The following CLIP1 variants were observed in gnomAD, a reference collection of about 807,000 sequenced individuals.
The protein encoded by CLIP1 is CAP-Gly domain-containing linker protein 1.
In CLIP1, 66 loss-of-function variants were observed where a neutral mutation model predicts 161.6. The ratio of observed to expected loss-of-function variants is 0.41; its 90% CI spans 0.33 to 0.50. The LOEUF is 0.50. Ranked by LOEUF, CLIP1 falls within the 20% of genes least tolerant of loss-of-function variation. The pLI is 0.27. For missense variants in CLIP1, 1,376 were observed against 1,702.0 expected, an observed-to-expected ratio of 0.81 and a Z score of 3.37; for synonymous variants, 598 against 626.2, an observed-to-expected ratio of 0.96 and a Z score of 0.67.
chr12:122,343,084 C>T (rs1254392680), intron 10 of CLIP1: 5 of 151,050 alleles, frequency 3.3e-5, no homozygotes, highest in African/African-American at 1.2e-4. Context: ...ATGAATAACA[C>T]ATCACCTGTA....
At chr12:122,327,665 C>T (rs143839345) in intron 17 of CLIP1, among the ~76,000 whole-genome samples, 13 of 152,026 alleles carry the variant, frequency 8.6e-5, no homozygotes, top group Admixed American at 8.5e-4. Flanking sequence ...ACGAAAGAAC[C>T]TTTGTGACCT....
chr12:122,319,412 C>T (rs898804432), intron 17 of CLIP1, 64 bp from the exon 18 acceptor site: 14 of 1,254,268 alleles, frequency 1.1e-5, no homozygotes, highest in South Asian at 4.8e-5. Flanking sequence ...AGGTGAGGAT[C>T]GGGCTGTGCT....
chr12:122,307,351 C>T (rs1593028518), intron 20 of CLIP1, among the ~76,000 whole-genome samples: 1 of 151,988 alleles, frequency 6.6e-6, no homozygotes, highest in Non-Finnish European at 1.5e-5. Flanking sequence ...AATAATCCTA[C>T]TATCTCTGAG....
chr12:122,279,846 G>C lies in CLIP1; in HGVS notation c.3648-701C>G, dbSNP rs1238942381. ...TCTCAGGTGCAGAATGAAAGCATGGGGAGCCTGGAAGGAGAAATTCAGAGC... is the reference window on the plus strand; with the variant it reads ...TCTCAGGTGCAGAATGAAAGCATGGCGAGCCTGGAAGGAGAAATTCAGAGC... On this transcript the variant is annotated intron_variant, in intron 21 of 25. Coordinates refer to ENST00000620786, the MANE Select transcript of CLIP1 (RefSeq NM_001247997.2). This position sits in a 1 kb window ranked among gnomAD's most constrained non-coding sequence, Gnocchi z 4.5. 6.6e-6 allele frequency: 1 copy of C among 152,178 alleles called. No homozygotes were observed. Among genetic ancestry groups the C allele is most frequent in the Non-Finnish European group, 1.5e-5 (1 of 68,064 alleles). 9.4% of individuals were successfully genotyped at this position (152,178 alleles called of 1,614,324 possible).
chr12:122,344,220 A>G (rs1425543270), intron 10 of CLIP1, among the ~76,000 whole-genome samples: 2 of 152,242 alleles, frequency 1.3e-5, no homozygotes, highest in African/African-American at 4.8e-5. Flanking sequence ...AAAAGAAAGC[A>G]CTGAGTCTCC....
At chr12:122,274,467 TA>T (rs923336759) in intron 24 of CLIP1, 17 of 177,060 alleles carry the variant, frequency 9.6e-5, no homozygotes, top group African/African-American at 3.6e-4. Flanking sequence ...TTTTATATTT[TA>T]AAAAAAAATT....
chr12:122,352,087 T>C (rs1462360353), intron 8 of CLIP1, among the ~76,000 whole-genome samples: 1 of 145,262 alleles, frequency 6.9e-6, no homozygotes, highest in Non-Finnish European at 1.5e-5. Context: ...AGACAAAGTC[T>C]CGACCCATCC....
At chr12:122,292,866 G>A (rs532957457) in intron 20 of CLIP1, among the ~76,000 whole-genome samples, 4 of 151,936 alleles carry the variant, frequency 2.6e-5, no homozygotes, top group Admixed American at 6.6e-5. Flanking sequence ...AGCCGGGCGC[G>A]GTGGTGGGCG....
intron 9 of CLIP1, 180 bp downstream of exon 9, chr12:122,350,931 C>T (rs1455171890): frequency 2.2e-6 from 1 of 449,554 alleles, no homozygotes; most frequent in African/African-American, 2.0e-5. Flanking sequence ...TTAGTCATTA[C>T]ATACAATTTC....
At chr12:122,334,319 A>C (rs1164590404) in intron 13 of CLIP1, among the ~76,000 whole-genome samples, 1 of 152,242 alleles carries the variant, frequency 6.6e-6, no homozygotes, top group East Asian at 1.9e-4. Context: ...TCAGTACTTC[A>C]GACAGGCATC....
At chr12:122,404,469 C>T (rs192799267) in intron 1 of CLIP1, among the ~76,000 whole-genome samples, 10 of 152,154 alleles carry the variant, frequency 6.6e-5, no homozygotes, top group Non-Finnish European at 8.8e-5. Context: ...AGTGGTGGCA[C>T]ATTCCTGTAA....
rs1377559230 is a variant in CLIP1, at chr12:122,289,682, C to G, written c.3595-1141G>C. On this transcript the variant is annotated intron_variant, in intron 20 of 25. Transcript: ENST00000620786. ...AGAATTTCCAGTGGTTCTTTATTAT[C>G]TCATGAAGGATAAAAAACAAAAGAT... 9.2e-5 allele frequency among the ~76,000 whole-genome samples: 14 copies of G among 152,038 alleles called. No homozygotes were observed. The East Asian group carries it at 2.7e-3, about 29-fold the overall frequency.
chr12:122,381,188 T>A (rs1593206609), intron 1 of CLIP1, among the ~76,000 whole-genome samples: 1 of 152,248 alleles, frequency 6.6e-6, no homozygotes, highest in East Asian at 1.9e-4. Flanking sequence ...CACCAAACAA[T>A]GCGGGGAGAA....
In CLIP1 at chr12:122,341,762, C is replaced by CCTTTT. The variant is rs1566143047; in HGVS notation, c.1507-66_1507-65insAAAAG. ...AACAAGTCATTGACTATTTTCTTTT[C>CCTTTT]TTTTTTTTTTTTTTTTTTTTTTTTT... On this transcript the variant is annotated intron_variant, in intron 10 of 25. Transcript: ENST00000620786. 73 of 98,636 alleles carry CCTTTT rather than the reference C, an allele frequency of 7.4e-4. 5 individuals are homozygous for CCTTTT. The highest frequency in any genetic ancestry group is 2.3e-3 in the East Asian group (13 of 5,770). 6.1% of individuals were successfully genotyped at this position (98,636 alleles called of 1,614,324 possible).
intron 8 of CLIP1, 61 bp from the exon 9 acceptor site, chr12:122,351,204 C>T (rs1001917019): frequency 3.9e-6 from 4 of 1,028,074 alleles, no homozygotes; most frequent in Non-Finnish European, 5.5e-6. Context: ...AATAAAGCTT[C>T]AATATGTGTT....
At position 122,361,128 on chromosome 12, in the gene CLIP1, G is replaced by C; in HGVS notation, c.836C>G (p.Thr279Ser). ...YGLFAPVHKV[T>S]KIGFPSTTPA... is the part of the protein sequence containing the mutation. ...TGTAGTGGAAGGGAAGCCAATCTTGGTAACTTTGTGGACAGGAGCGAACAA... is the reference window on the plus strand; with the variant it reads ...TGTAGTGGAAGGGAAGCCAATCTTGCTAACTTTGTGGACAGGAGCGAACAA... The change falls in exon 5 of 26, where the codon ACC becomes AGC. Residue 279 changes from threonine to serine, a missense_variant. Thr to Ser is a moderately conservative substitution (Grantham distance 58). Around this residue, in one of 6 missense-constraint regions of CLIP1, gnomAD observed 211 missense variants for 295.1 expected, o/e 0.72. Transcript: ENST00000620786. 1 of 1,614,204 alleles carries C rather than the reference G, an allele frequency of 6.2e-7. No homozygotes were observed. The highest frequency in any genetic ancestry group is 1.1e-5 in the South Asian group (1 of 91,084).
chr12:122,379,796 A>T (rs11057813), intron 2 of CLIP1, among the ~76,000 whole-genome samples: 61,585 of 149,650 alleles, frequency 0.41, 13,082 homozygotes, highest in East Asian at 0.6. Context: ...ATACAAAAAT[A>T]AGCTGGGTAT....
chr12:122,340,928 A>G lies in CLIP1; in HGVS notation c.2276T>C (p.Ile759Thr). Residue 759 changes from isoleucine to threonine, a missense_variant, in exon 11 of 26, where the codon ATT becomes ACT. By Grantham distance (89) the Ile-to-Thr change is moderately conservative. Around this residue, in one of 6 missense-constraint regions of CLIP1, gnomAD observed 948 missense variants for 1,134.8 expected, o/e 0.84. Transcript: ENST00000620786. ...CTTGAGCTGTGATGTAAAATTATCA[A>G]TAACCTTGGTTTGTTCATTGCATTT... Reference protein sequence around the residue: ...QAKCNEQTKVIDNFTSQLKAT... With the variant: ...QAKCNEQTKVTDNFTSQLKAT... 6.2e-7 allele frequency: 1 copy of G among 1,614,216 alleles called. No homozygotes were observed. The highest frequency in any genetic ancestry group is 8.5e-7 in the Non-Finnish European group (1 of 1,180,036).
intron 1 of CLIP1, among the ~76,000 whole-genome samples, chr12:122,416,229 A>AT (rs34497641): frequency 2.6e-5 from 4 of 152,048 alleles, no homozygotes; most frequent in Non-Finnish European, 5.9e-5. Flanking sequence ...AGAAAAAAAA[A>AT]GTCCTGAACA....
Sources: gnomAD v4.1 joint callset for allele counts (sites outside exome capture counted in the v4.1 genomes callset) on GRCh38, gnomAD v4.1.1 for gene constraint, gnomAD v4.1.1 regional missense constraint, Gnocchi (gnomAD v3.1) non-coding constraint, MANE v1.5 for transcripts, NCBI Gene and HGNC (gene_info 2026-07-23, HGNC 2026-07-21) for gene names.